The following SLC35F4 variants were observed in gnomAD, a reference collection of about 807,000 sequenced individuals.
SLC35F4 encodes the protein solute carrier family 35 member F4, also known as chromosome 14 open reading frame 36.
Under a neutral mutation model 44.2 loss-of-function variants are expected in SLC35F4, and 24 were observed. The observed-to-expected ratio is 0.54, with a 90% confidence interval of 0.39 to 0.76. The LOEUF (loss-of-function observed/expected upper bound fraction) is 0.76, where lower values mean the gene tolerates loss of function less well. Among genes scored for constraint, SLC35F4 ranks in the 30% least tolerant of loss-of-function variants. SLC35F4 has a pLI of 0.00. For synonymous variants in SLC35F4, 238 were observed against 223.6 expected (o/e 1.06, Z -0.57); for missense variants, 562 against 586.1 (o/e 0.96, Z 0.42).
chr14:57,623,511 T>C (rs1566697861), intron 1 of SLC35F4, among the ~76,000 whole-genome samples: 1 of 152,208 alleles, frequency 6.6e-6, no homozygotes. Context: ...ATATACATTC[T>C]TCTCAGCACC....
At chr14:57,977,634 A>G (rs1210932968) in intron 1 of SLC35F4, among the ~76,000 whole-genome samples, 1 of 152,174 alleles carries the variant, frequency 6.6e-6, no homozygotes, top group Non-Finnish European at 1.5e-5. Flanking sequence ...CAAAGGCAGA[A>G]ATTAATTTTA....
intron 1 of SLC35F4, among the ~76,000 whole-genome samples, chr14:57,778,772 C>T (rs571595072): frequency 6.6e-6 from 1 of 151,960 alleles, no homozygotes; most frequent in East Asian, 1.9e-4. Context: ...ACCAAGCTCA[C>T]TCTCAGACCA....
intron 1 of SLC35F4, among the ~76,000 whole-genome samples, chr14:57,752,856 G>A (rs571984095): frequency 6.6e-6 from 1 of 152,284 alleles, no homozygotes; most frequent in African/African-American, 2.4e-5. Flanking sequence ...TGACACCTCA[G>A]GAAAGCACAA....
chr14:57,690,656 C>T (rs572429017), intron 1 of SLC35F4, among the ~76,000 whole-genome samples: 10 of 151,910 alleles, frequency 6.6e-5, no homozygotes, highest in African/African-American at 1.7e-4. Flanking sequence ...CTCACCATAA[C>T]GCAGAATCAG....
At chr14:57,621,757 G>A (rs1373506465) in intron 1 of SLC35F4, among the ~76,000 whole-genome samples, 2 of 150,672 alleles carry the variant, frequency 1.3e-5, no homozygotes, top group African/African-American at 4.9e-5. Flanking sequence ...ACAGGCATGG[G>A]CAAGGACTTC....
chr14:57,649,408 C>T (rs2073686589), intron 1 of SLC35F4, among the ~76,000 whole-genome samples: 1 of 152,036 alleles, frequency 6.6e-6, no homozygotes, highest in African/African-American at 2.4e-5. Flanking sequence ...GCTCATGATC[C>T]CCTATCACCC....
intron 1 of SLC35F4, among the ~76,000 whole-genome samples, chr14:57,667,228 G>A (rs1049688931): frequency 1.3e-5 from 2 of 151,898 alleles, no homozygotes; most frequent in Admixed American, 6.6e-5. Context: ...GAAGGAGAAG[G>A]AGAGAGACAT....
chr14:57,931,463 T>C (rs1159288211), intron 1 of SLC35F4, among the ~76,000 whole-genome samples: 1 of 152,224 alleles, frequency 6.6e-6, no homozygotes, highest in Non-Finnish European at 1.5e-5. Context: ...AGGTAGATTC[T>C]CTAAAATGCA....
At chr14:57,727,909 A>G (rs1254346457) in intron 1 of SLC35F4, among the ~76,000 whole-genome samples, 1 of 152,228 alleles carries the variant, frequency 6.6e-6, no homozygotes, top group Admixed American at 6.5e-5. Flanking sequence ...TTTGTTCCAC[A>G]GTGAAGATTA....
chr14:57,964,234 C>G (rs1890392324), intron 1 of SLC35F4, among the ~76,000 whole-genome samples: 1 of 151,960 alleles, frequency 6.6e-6, no homozygotes, highest in African/African-American at 2.4e-5. Flanking sequence ...GTGAAGGGGT[C>G]CTGGGGGAAG....
At chr14:57,895,644 T>C (rs2141041963) in intron 1 of SLC35F4, among the ~76,000 whole-genome samples, 1 of 152,064 alleles carries the variant, frequency 6.6e-6, no homozygotes, top group East Asian at 1.9e-4. Flanking sequence ...GCCATGGCAA[T>C]ACATGGTTGT....
chr14:57,608,210 C>T (rs2071278584), intron 1 of SLC35F4, among the ~76,000 whole-genome samples: 2 of 152,080 alleles, frequency 1.3e-5, no homozygotes, highest in Non-Finnish European at 2.9e-5. Context: ...GTCCCACTCT[C>T]CCTCCCCTCC....
intron 5 of SLC35F4, among the ~76,000 whole-genome samples, chr14:57,570,574 AACATAAAATCAC>A: frequency 6.6e-6 from 1 of 152,332 alleles, no homozygotes; most frequent in East Asian, 1.9e-4. Flanking sequence ...GCAAATGGCT[AACATAAAATCAC>A]ACAACAGATT....
chr14:57,945,863 C>T (rs1890016785), intron 1 of SLC35F4, among the ~76,000 whole-genome samples: 1 of 152,036 alleles, frequency 6.6e-6, no homozygotes, highest in Non-Finnish European at 1.5e-5. Context: ...TTGCATTTAC[C>T]TGATGATTAG....
rs75338211 is a variant in SLC35F4, at chr14:57,602,753, A to G, written c.104-8629T>C. 7.2e-3 allele frequency among the ~76,000 whole-genome samples: 1,098 copies of G among 152,278 alleles called. 11 individuals are homozygous for G. Among genetic ancestry groups the G allele is most frequent in the African/African-American group, 0.025 (1,020 of 41,550 alleles). Reference sequence around the variant, plus strand: ...TGTCAAGCACCTGTTCTGGATTCATATACTAAAGAAGTGGTTGGGATCAAG... The same window carrying G: ...TGTCAAGCACCTGTTCTGGATTCATGTACTAAAGAAGTGGTTGGGATCAAG... On this transcript the variant is annotated intron_variant, in intron 1 of 7. Coordinates refer to ENST00000556826, the MANE Select transcript of SLC35F4 (RefSeq NM_001306087.2).
At chr14:57,916,438 T>G (rs566499576) in intron 1 of SLC35F4, among the ~76,000 whole-genome samples, 2 of 152,340 alleles carry the variant, frequency 1.3e-5, no homozygotes, top group East Asian at 3.9e-4. Context: ...AGTTTAAGTA[T>G]GATATGCCCA....
At chr14:57,598,208 C>T (rs756575112) in intron 1 of SLC35F4, among the ~76,000 whole-genome samples, 13 of 152,224 alleles carry the variant, frequency 8.5e-5, no homozygotes, top group East Asian at 3.9e-4. Flanking sequence ...CCTTTCTCTG[C>T]GGAAAATTTG....
chr14:57,940,671 C>T (rs760279293), intron 1 of SLC35F4, among the ~76,000 whole-genome samples: 4 of 152,204 alleles, frequency 2.6e-5, no homozygotes, highest in African/African-American at 7.2e-5. Flanking sequence ...TTTACCTGTA[C>T]GCACAGCCCA....
At chr14:57,616,344 T>C (rs1241575791) in intron 1 of SLC35F4, among the ~76,000 whole-genome samples, 1 of 152,236 alleles carries the variant, frequency 6.6e-6, no homozygotes, top group African/African-American at 2.4e-5. Context: ...CCCTTGAGCA[T>C]TGGCTAGTTT....
Sources: allele counts gnomAD v4.1 joint callset (sites outside exome capture counted in the v4.1 genomes callset), GRCh38; gene constraint gnomAD v4.1.1; transcripts MANE v1.5; gene names NCBI Gene and HGNC (gene_info 2026-07-23, HGNC 2026-07-21).